NCBP1: variants seen among roughly 807,000 people sequenced by gnomAD.
NCBP1 encodes the protein nuclear cap binding protein subunit 1, also known as nuclear cap-binding protein subunit 1.
NCBP1 carries 16 observed loss-of-function variants against 111.7 expected under a neutral mutation model. The observed-to-expected ratio is 0.14, with a 90% CI of 0.10 to 0.22. NCBP1 has a LOEUF of 0.22. Among genes scored for constraint, NCBP1 ranks in the 10% least tolerant of loss-of-function variants. The pLI is 1.00. For synonymous variants in NCBP1, 304 were observed against 314.3 expected (o/e 0.97, Z 0.35); for missense variants, 607 against 957.5 (o/e 0.63, Z 4.83).
intron 10 of NCBP1, among the ~76,000 whole-genome samples, chr9:97,651,690 T>A (rs1259155380): frequency 6.6e-6 from 1 of 152,222 alleles, no homozygotes; most frequent in Non-Finnish European, 1.5e-5. Flanking sequence ...CATTGTCCAC[T>A]TAACAGACGT....
chr9:97,650,307 C>A (rs1204185013), intron 8 of NCBP1, among the ~76,000 whole-genome samples, 196 bp from the exon 9 acceptor site: 1 of 152,156 alleles, frequency 6.6e-6, no homozygotes, highest in Non-Finnish European at 1.5e-5. Flanking sequence ...AGAAAAAACA[C>A]TACAGCTGAT....
At chr9:97,636,604 GTATA>G (rs904407637) in intron 1 of NCBP1, among the ~76,000 whole-genome samples, 63 of 123,838 alleles carry the variant, frequency 5.1e-4, no homozygotes, top group African/African-American at 1.8e-3. Context: ...ATTATATACT[GTATA>G]TATAGAAGCA....
chr9:97,669,658 A>C lies in NCBP1; in HGVS notation c.2211A>C (p.Thr737=), dbSNP rs1249549978. The stretch of plus-strand genomic sequence containing the variant: ...AAACTGATGGGACCAGTGTATTAAC[A>C]CCATGGTATAAGAACTGTATAGAGA... ...RCETDGTSVL[T]PWYKNCIERL... is the part of the protein sequence containing the mutation. The change falls in exon 22 of 23, where the codon ACA becomes ACC. Residue 737 remains threonine (T), a synonymous_variant. Transcript: ENST00000375147. 1.2e-6 allele frequency: 2 copies of C among 1,612,728 alleles called. No individual in the cohort carries two copies. Among genetic ancestry groups the C allele is most frequent in the Non-Finnish European group, 1.7e-6 (2 of 1,178,900 alleles).
At chr9:97,639,259 G>T (rs1417952436) in intron 1 of NCBP1, among the ~76,000 whole-genome samples, 1 of 152,184 alleles carries the variant, frequency 6.6e-6, no homozygotes, top group Non-Finnish European at 1.5e-5. Flanking sequence ...TTGACGTACA[G>T]AGTGTCTTAC....
At chr9:97,664,194 T>C (rs538024804) in intron 18 of NCBP1, 146 bp from the exon 19 acceptor site, 12 of 518,426 alleles carry the variant, frequency 2.3e-5, no homozygotes, top group Non-Finnish European at 4.2e-5. Flanking sequence ...AAAGACCTAA[T>C]GGTCAGATTG....
At chr9:97,644,247 T>C (rs1054717950) in intron 4 of NCBP1, among the ~76,000 whole-genome samples, 1 of 152,202 alleles carries the variant, frequency 6.6e-6, no homozygotes, top group Non-Finnish European at 1.5e-5. Context: ...CCAGACTCTT[T>C]AGCCTGACCC....
At chr9:97,655,153 C>G (rs1293974694) in intron 12 of NCBP1, among the ~76,000 whole-genome samples, 1 of 152,136 alleles carries the variant, frequency 6.6e-6, no homozygotes, top group Non-Finnish European at 1.5e-5. Context: ...ATTTCATTCT[C>G]TAGTCAAGTA....
rs1413101846 is a variant in NCBP1, at chr9:97,662,159, A to C, written c.1703+15A>C. The C allele has an allele frequency of 5.7e-6, 9 of 1,590,474 alleles. No homozygotes were observed. The highest frequency in any genetic ancestry group is 6.9e-6 in the Non-Finnish European group (8 of 1,159,900). ...GCTCTTGCAAAGTATGTATGAGTAC[A>C]GAGCCTTGCTTGAGAGTTTGGAATT... is the stretch of plus-strand genomic sequence containing the variant. On this transcript the variant is annotated intron_variant, in intron 17 of 22. Transcript: ENST00000375147.
intron 18 of NCBP1, 53 bp from the exon 19 acceptor site, chr9:97,664,287 A>G (rs184693009): frequency 6.0e-6 from 7 of 1,157,364 alleles, no homozygotes; most frequent in South Asian, 1.4e-5. Flanking sequence ...TGGCACATAT[A>G]TATGTGTGTG....
intron 4 of NCBP1, 89 bp downstream of exon 4, chr9:97,643,449 C>T: frequency 7.7e-7 from 1 of 1,306,726 alleles, no homozygotes; most frequent in East Asian, 2.6e-5. Flanking sequence ...AAATGCTCTC[C>T]TAAAACATTC....
chr9:97,643,531 A>G (rs749226395), intron 4 of NCBP1, among the ~76,000 whole-genome samples, 171 bp downstream of exon 4: 6 of 152,064 alleles, frequency 3.9e-5, no homozygotes, highest in African/African-American at 7.2e-5. Context: ...TGTATCTCCA[A>G]CCTTTCTCCT....
At position 97,663,011 on chromosome 9, in the gene NCBP1, A is replaced by G. The variant is rs1201102204; in HGVS notation, c.1761A>G (p.Leu587=). The G allele has an allele frequency of 6.2e-7, 1 of 1,613,078 alleles. No individual in the cohort carries two copies. The highest frequency in any genetic ancestry group is 2.2e-5 in the East Asian group (1 of 44,782). The change falls in exon 18 of 23, where the codon CTA becomes CTG. Residue 587 remains leucine (L), a synonymous_variant. Transcript: ENST00000375147. ...AESDEGKLHV[L]RVMFEVWRNH... is the part of the protein sequence containing the mutation. ...GTGATGAAGGAAAGTTACATGTGCT[A>G]AGAGTTATGTTTGAGGTCTGGAGGA...
intron 12 of NCBP1, among the ~76,000 whole-genome samples, chr9:97,655,494 C>T (rs545000690): frequency 3.3e-5 from 5 of 152,078 alleles, no homozygotes; most frequent in South Asian, 2.1e-4. Context: ...GTTAGGTGCC[C>T]GCACAAAACA....
rs1445079978 is a variant in NCBP1 at position 97,662,091 on chromosome 9, T to G, written c.1650T>G (p.Thr550=). 1.2e-6 allele frequency: 2 copies of G among 1,613,886 alleles called. No individual in the cohort carries two copies. The highest frequency in any genetic ancestry group is 4.5e-5 in the East Asian group (2 of 44,882). ...TGAAAATAGAAGTCTTTGTACAGAC[T>G]CTGCTACACTTGGCAGCCAAATCAT... is the stretch of plus-strand genomic sequence containing the variant. ...NPLKIEVFVQ[T]LLHLAAKSFS... is the part of the protein sequence containing the mutation. Residue 550 remains threonine, a synonymous_variant, in exon 17 of 23, where the codon ACT becomes ACG. Coordinates refer to ENST00000375147, the MANE Select transcript of NCBP1 (RefSeq NM_002486.5).
intron 1 of NCBP1, among the ~76,000 whole-genome samples, chr9:97,639,290 C>T (rs1827138910): frequency 6.6e-6 from 1 of 152,084 alleles, no homozygotes; most frequent in South Asian, 2.1e-4. Context: ...TTATAATACC[C>T]CCCCTCAGAT....
chr9:97,637,943 C>T (rs1276497862), intron 1 of NCBP1, among the ~76,000 whole-genome samples: 28 of 152,128 alleles, frequency 1.8e-4, no homozygotes, highest in Non-Finnish European at 8.8e-5. Context: ...TCTATACTAG[C>T]CAAGTCTGTC....
intron 19 of NCBP1, among the ~76,000 whole-genome samples, chr9:97,665,048 A>C (rs914181585): frequency 3.3e-5 from 5 of 152,250 alleles, no homozygotes; most frequent in Non-Finnish European, 5.9e-5. Context: ...TGATAGGACC[A>C]GGGCAGCAGG....
At chr9:97,634,002 A>C in intron 1 of NCBP1, 87 bp downstream of exon 1, 1 of 1,395,362 alleles carries the variant, frequency 7.2e-7, no homozygotes, top group South Asian at 1.3e-5. Context: ...AGAGACTGGA[A>C]GCTCTTCTCC....
At chr9:97,663,592 C>G (rs967015445) in intron 18 of NCBP1, among the ~76,000 whole-genome samples, 7 of 151,930 alleles carry the variant, frequency 4.6e-5, no homozygotes, top group African/African-American at 1.7e-4. Flanking sequence ...TCAAGTGATT[C>G]CCCTGCCTCA....
Sources: allele counts gnomAD v4.1 joint callset (sites outside exome capture counted in the v4.1 genomes callset), GRCh38; gene constraint gnomAD v4.1.1; transcripts MANE v1.5; gene names NCBI Gene and HGNC (gene_info 2026-07-23, HGNC 2026-07-21).